BTD: variants seen among roughly 807,000 people sequenced by gnomAD.
The protein encoded by BTD is biocytinase.
In BTD, 13 loss-of-function variants were observed where a neutral mutation model predicts 17.7. That is an observed-to-expected ratio of 0.74 (90% CI 0.48 to 1.17). The LOEUF (loss-of-function observed/expected upper bound fraction) is 1.17, where lower values mean the gene tolerates loss of function less well. BTD is among the 50% of genes most tolerant of loss of function. The probability of loss-of-function intolerance (pLI) is 0.00; values close to 1 mark genes in which losing one functional copy is unlikely to be tolerated. For synonymous variants in BTD, 240 were observed against 245.2 expected (o/e 0.98, Z 0.20); for missense variants, 674 against 650.4 (o/e 1.04, Z -0.39).
intron 1 of BTD, among the ~76,000 whole-genome samples, chr3:15,608,177 C>G (rs114784550): frequency 2.6e-5 from 4 of 152,338 alleles, no homozygotes; most frequent in African/African-American, 7.2e-5. Context: ...CTTGGGCTGG[C>G]AAGCCCTGTG....
intron 3 of BTD, among the ~76,000 whole-genome samples, chr3:15,642,755 C>T (rs1477545447): frequency 2.0e-5 from 3 of 152,026 alleles, no homozygotes; most frequent in Non-Finnish European, 4.4e-5. Flanking sequence ...AGCCACTGTG[C>T]CTGGCCTTGA....
intron 1 of BTD, among the ~76,000 whole-genome samples, chr3:15,633,544 A>T (rs572493349): frequency 5.8e-4 from 88 of 152,294 alleles, no homozygotes; most frequent in African/African-American, 2.1e-3. Context: ...AGTCCTTTAG[A>T]CATAAACAAA....
At chr3:15,655,130 G>A (rs931643752), downstream of BTD, among the ~76,000 whole-genome samples, 2 of 152,140 alleles carry the variant, frequency 1.3e-5, no homozygotes, top group Non-Finnish European at 2.9e-5. Context: ...CAGTAAACAC[G>A]CACATCTTCA....
intron 3 of BTD, chr3:15,676,178 T>C (rs2125647446): frequency 2.4e-6 from 1 of 417,736 alleles, no homozygotes; most frequent in Non-Finnish European, 4.3e-6. Context: ...CTGTCACACC[T>C]TGTCAACGTG....
In BTD at chr3:15,645,409, A is replaced by C; in HGVS notation, c.1493A>C (p.His498Pro). The C allele has an allele frequency of 6.2e-7, 1 of 1,614,092 alleles. No homozygotes were observed. The highest frequency in any genetic ancestry group is 8.5e-7 in the Non-Finnish European group (1 of 1,180,020). Residue 498 changes from histidine (H) to proline (P), a missense_variant, in exon 4 of 4, where the codon CAC (histidine) becomes CCC (proline). His to Pro is a moderately conservative substitution (Grantham distance 77, BLOSUM62 -2). Coordinates refer to ENST00000643237, the MANE Select transcript of BTD (RefSeq NM_001370658.1). ...VPDQLGWEND[H>P]YFLRKSRLSS... Reference sequence around the variant, plus strand: ...GACCAGCTTGGCTGGGAGAATGACCACTATTTCCTGAGGAAAAGTAGGCTG... The same window carrying C: ...GACCAGCTTGGCTGGGAGAATGACCCCTATTTCCTGAGGAAAAGTAGGCTG...
chr3:15,610,628 C>A, intron 1 of BTD, among the ~76,000 whole-genome samples: 1 of 152,132 alleles, frequency 6.6e-6, no homozygotes, highest in East Asian at 1.9e-4. Flanking sequence ...TGTTCTTTTC[C>A]TATCCTAACA....
chr3:15,642,367 T>C, intron 3 of BTD: 1 of 850,364 alleles, frequency 1.2e-6, no homozygotes, highest in Non-Finnish European at 1.7e-6. Context: ...CCTCATCCCA[T>C]GCCCTTGCTT....
intron 3 of BTD, among the ~76,000 whole-genome samples, chr3:15,692,668 G>C (rs777750100): frequency 6.6e-6 from 1 of 152,184 alleles, no homozygotes; most frequent in Non-Finnish European, 1.5e-5. Flanking sequence ...CCGAATGGGA[G>C]AGTTTCGTGT....
chr3:15,717,155 T>A (rs1204577417), downstream of BTD, among the ~76,000 whole-genome samples: 1 of 152,134 alleles, frequency 6.6e-6, no homozygotes, highest in Admixed American at 6.6e-5. Context: ...TTATTTATTT[T>A]GTTTTAGAGA....
intron 3 of BTD, among the ~76,000 whole-genome samples, chr3:15,642,606 C>G (rs1356225270): frequency 6.6e-6 from 1 of 151,992 alleles, no homozygotes; most frequent in Non-Finnish European, 1.5e-5. Flanking sequence ...AGGCACCCAC[C>G]ACCACGCCCG....
At chr3:15,634,349 C>T (rs973776403) in intron 1 of BTD, among the ~76,000 whole-genome samples, 7 of 152,188 alleles carry the variant, frequency 4.6e-5, no homozygotes, top group African/African-American at 1.7e-4. Flanking sequence ...GGCAGTTGTT[C>T]AGCCCCAGGA....
chr3:15,713,150 A>G (rs970786702), downstream of BTD, among the ~76,000 whole-genome samples: 1 of 152,182 alleles, frequency 6.6e-6, no homozygotes, highest in African/African-American at 2.4e-5. Context: ...TTGGCACAGC[A>G]CAGCCTGAAA....
Position 15,712,632 on chromosome 3 carries a change from T to C in BTD, c.*2558T>C, listed in dbSNP as rs1022148413. 2.0e-5 allele frequency among the ~76,000 whole-genome samples: 3 copies of C among 152,172 alleles called. No individual in the cohort carries two copies. The East Asian group carries it at 5.8e-4, about 29-fold the overall frequency. On this transcript the variant is annotated 3_prime_UTR_variant, in exon 4 of 4. Transcript: ENST00000672141. ...AATTCACTACCCTGTCACCCCACCA[T>C]TGAAACATTTCCATAATGCAACATG... is the stretch of plus-strand genomic sequence containing the variant.
chr3:15,660,355 T>A (rs775492317), intron 3 of BTD, among the ~76,000 whole-genome samples: 4 of 152,256 alleles, frequency 2.6e-5, no homozygotes, highest in Non-Finnish European at 4.4e-5. Context: ...CATCCGTTGC[T>A]ACCCATGAAG....
downstream of BTD, among the ~76,000 whole-genome samples, chr3:15,715,104 T>C (rs564819726): frequency 6.6e-6 from 1 of 152,326 alleles, no homozygotes; most frequent in East Asian, 1.9e-4. Flanking sequence ...GTACTAAATA[T>C]TTTCTCAAAT....
chr3:15,692,337 T>C lies in BTD; in HGVS notation c.400-17723T>C, dbSNP rs1322447621. Among the ~76,000 whole-genome samples, 4 of 152,110 alleles carry C rather than the reference T, an allele frequency of 2.6e-5. No individual in the cohort carries two copies. In the East Asian group the frequency reaches 5.8e-4, roughly 22 times the overall value. On this transcript the variant is annotated intron_variant, in intron 3 of 3. Coordinates refer to the BTD transcript ENST00000672141. ...GGTGGTGTGCACCTATAGTCCTAGC[T>C]ACTCAGAAGGCTGAGGGAGGGAGGC...
intron 3 of BTD, among the ~76,000 whole-genome samples, chr3:15,695,910 G>A (rs2069475588): frequency 6.6e-6 from 1 of 152,020 alleles, no homozygotes; most frequent in Non-Finnish European, 1.5e-5. Context: ...TGAACATGGG[G>A]TAATCAGTAG....
chr3:15,645,200 A>G lies in BTD; in HGVS notation c.1284A>G (p.Thr428=), dbSNP rs1359728334. 6.2e-7 allele frequency: 1 copy of G among 1,614,178 alleles called. No individual in the cohort carries two copies. Among genetic ancestry groups the G allele is most frequent in the Admixed American group, 1.7e-5 (1 of 60,026 alleles). Residue 428 remains threonine (T), a synonymous_variant, in exon 4 of 4, where the codon ACA becomes ACG. Transcript: ENST00000643237. ...YALGVFDGLH[T]VHGTYYIQVC... is the part of the protein sequence containing the mutation. ...TGGGGGTCTTTGATGGGCTTCACAC[A>G]GTACATGGCACTTACTACATCCAAG...
chr3:15,607,249 G>T (rs958874178), intron 1 of BTD, among the ~76,000 whole-genome samples: 1 of 152,112 alleles, frequency 6.6e-6, no homozygotes, highest in Non-Finnish European at 1.5e-5. Context: ...GAAGTCAAAG[G>T]ATGAATAAAT....
Sources: gnomAD v4.1 joint callset for allele counts (sites outside exome capture counted in the v4.1 genomes callset) on GRCh38, gnomAD v4.1.1 for gene constraint, MANE v1.5 for transcripts, NCBI Gene and HGNC (gene_info 2026-07-23, HGNC 2026-07-21) for gene names.